The following COL4A4 variants were observed in gnomAD, a reference collection of about 807,000 sequenced individuals.
COL4A4 encodes the protein collagen type IV alpha 4 chain.
A neutral mutation model predicts 192.9 loss-of-function variants in COL4A4; 105 were observed. The ratio of observed to expected loss-of-function variants is 0.54; its 90% CI spans 0.46 to 0.64. The LOEUF is 0.64. COL4A4 is among the 30% of genes least tolerant of loss of function. The pLI is 0.00. For missense variants in COL4A4, 1,967 were observed against 2,169.3 expected (o/e 0.91, Z 1.85); for synonymous variants, 762 against 769.9 (o/e 0.99, Z 0.17).
intron 42 of COL4A4, among the ~76,000 whole-genome samples, chr2:227,026,293 C>G (rs558708259): frequency 6.6e-6 from 1 of 152,028 alleles, no homozygotes; most frequent in East Asian, 1.9e-4. Flanking sequence ...GTCAGGAGAT[C>G]GAGACCATCC....
Position 227,047,394 on chromosome 2 carries a change from CA to C in COL4A4, c.3289+80del. The C allele has an allele frequency of 5.0e-6, 5 of 993,632 alleles. No homozygotes were observed. The South Asian group carries it at 6.7e-5, about 13-fold the overall frequency. The allele number at this position is 993,632 out of a possible 1,614,324, so 61.6% of individuals were successfully genotyped here. On this transcript the variant is annotated intron_variant, in intron 35 of 47. Coordinates refer to ENST00000396625, the MANE Select transcript of COL4A4 (RefSeq NM_000092.5). ...AGGGGTAAGAAAATATTGATACGAT[CA>C]TTGCCAGCTAGAAGTAATTGTTCTG... is the stretch of plus-strand genomic sequence containing the variant.
chr2:226,992,641 T>G, the COL4A4 span, among the ~76,000 whole-genome samples: 1 of 152,184 alleles, frequency 6.6e-6, no homozygotes, highest in Non-Finnish European at 1.5e-5. Flanking sequence ...CCCACAGAAT[T>G]GAGAACTTAG....
At chr2:227,148,256 G>A (rs985215117) in intron 1 of COL4A4, among the ~76,000 whole-genome samples, 2 of 152,182 alleles carry the variant, frequency 1.3e-5, no homozygotes, top group African/African-American at 4.8e-5. Context: ...CAACCCGCAT[G>A]TCCATCAGTG....
At chr2:226,972,087 A>C in the COL4A4 span, among the ~76,000 whole-genome samples, 1 of 151,000 alleles carries the variant, frequency 6.6e-6, no homozygotes, top group Admixed American at 6.6e-5. Context: ...TTGCCCCCTA[A>C]CTCCCAACAG....
chr2:227,071,103 C>A (rs1056715043), intron 25 of COL4A4, among the ~76,000 whole-genome samples: 1 of 151,878 alleles, frequency 6.6e-6, no homozygotes, highest in Admixed American at 6.6e-5. Context: ...TTCAAAGATA[C>A]GGGATGGCAA....
At chr2:227,104,169 G>T in intron 12 of COL4A4, 117 bp from the exon 13 acceptor site, 1 of 828,484 alleles carries the variant, frequency 1.2e-6, no homozygotes, top group East Asian at 2.4e-5. Flanking sequence ...TAAAATACAA[G>T]TTGTGGCAAG....
At position 227,103,149 on chromosome 2, in the gene COL4A4, G is replaced by A. The variant is rs371904688; in HGVS notation, c.865C>T (p.Arg289Cys). 5.8e-5 allele frequency: 93 copies of A among 1,609,022 alleles called. No individual in the cohort carries two copies. In the African/African-American group the frequency reaches 8.4e-4, roughly 15 times the overall value. ...GMVGLPGPPG[R>C]KGESGIGAKG... is the part of the protein sequence containing the mutation. ...AAGGTACTTAAATAAACTACCTTGC[G>A]TCCTGGTGGTCCTGGCAGTCCAACC... Residue 289 changes from arginine to cysteine, a missense_variant, in exon 14 of 48, where the codon CGC becomes TGC. Physicochemically the swap from Arg to Cys is radical, Grantham distance 180. Transcript: ENST00000396625.
At chr2:227,072,272 A>G (rs977429320) in intron 25 of COL4A4, among the ~76,000 whole-genome samples, 2 of 152,006 alleles carry the variant, frequency 1.3e-5, no homozygotes, top group Admixed American at 1.3e-4. Flanking sequence ...TACTATGGAT[A>G]CCTTTATGTA....
intron 12 of COL4A4, among the ~76,000 whole-genome samples, chr2:227,104,701 C>T (rs577800625): frequency 2.6e-4 from 36 of 137,862 alleles, no homozygotes; most frequent in African/African-American, 9.0e-4. Context: ...AGTGCAATGA[C>T]GCGATCTCGG....
chr2:227,042,064 C>G (rs1380194959), intron 37 of COL4A4, 84 bp downstream of exon 37: 1 of 849,488 alleles, frequency 1.2e-6, no homozygotes, highest in Admixed American at 1.7e-5. Context: ...AGCAGGGTCA[C>G]TCACTGGTAC....
At chr2:226,989,568 A>T in the COL4A4 span, among the ~76,000 whole-genome samples, 1 of 152,210 alleles carries the variant, frequency 6.6e-6, no homozygotes. Flanking sequence ...AGCATGTAGC[A>T]ATTGTCCCAC....
At chr2:227,041,846 A>AAGAAAGAAAGAAAGAAAGAGAGAG (rs1559478097) in intron 37 of COL4A4, among the ~76,000 whole-genome samples, 1 of 39,302 alleles carries the variant, frequency 2.5e-5, no homozygotes, top group Non-Finnish European at 4.4e-5. Context: ...GAAAGAAAGA[A>AAGAAAGAAAGAAAGAAAGAGAGAG]AGAGAAAGAA....
intron 4 of COL4A4, among the ~76,000 whole-genome samples, chr2:227,135,349 G>A (rs891843461): frequency 5.3e-5 from 8 of 152,140 alleles, no homozygotes; most frequent in Non-Finnish European, 1.0e-4. Context: ...CTCTTAGGGT[G>A]CCATTGTACC....
intron 23 of COL4A4, 68 bp downstream of exon 23, chr2:227,082,047 T>A (rs1422725861): frequency 8.5e-6 from 11 of 1,293,510 alleles, no homozygotes; most frequent in African/African-American, 1.5e-5. Context: ...CAGGGGAAAT[T>A]ACTGCAAGAG....
At chr2:226,971,695 G>A in the COL4A4 span, among the ~76,000 whole-genome samples, 1 of 152,120 alleles carries the variant, frequency 6.6e-6, no homozygotes. Flanking sequence ...AATCAGAGAG[G>A]TGTTTTTTGC....
chr2:227,115,059 T>TATAG (rs2061417446), intron 7 of COL4A4, among the ~76,000 whole-genome samples: 1 of 147,192 alleles, frequency 6.8e-6, no homozygotes, highest in South Asian at 2.1e-4. Context: ...TATATATATA[T>TATAG]AGAGAGAGAG....
At chr2:227,122,785 C>A (rs1266121100) in intron 4 of COL4A4, among the ~76,000 whole-genome samples, 3 of 152,166 alleles carry the variant, frequency 2.0e-5, no homozygotes, top group Non-Finnish European at 4.4e-5. Flanking sequence ...TCAGAGAGCA[C>A]CTTGACGAGA....
At chr2:227,046,084 T>C (rs1180438004) in intron 35 of COL4A4, among the ~76,000 whole-genome samples, 68 of 58,398 alleles carry the variant, frequency 1.2e-3, no homozygotes, top group African/African-American at 5.4e-3. Context: ...TATATTTAGA[T>C]ATATATGTAC....
intron 18 of COL4A4, among the ~76,000 whole-genome samples, chr2:227,099,085 T>C (rs2060362100): frequency 6.6e-6 from 1 of 152,164 alleles, no homozygotes; most frequent in South Asian, 2.1e-4. Context: ...TTTTTGTTTT[T>C]GTTTTCAGAC....
Sources: gnomAD v4.1 joint callset for allele counts (sites outside exome capture counted in the v4.1 genomes callset) on GRCh38, gnomAD v4.1.1 for gene constraint, MANE v1.5 for transcripts, NCBI Gene and HGNC (gene_info 2026-07-23, HGNC 2026-07-21) for gene names.